Variants in GALNTL6 observed in about 807,000 individuals in gnomAD.
The protein encoded by GALNTL6 is polypeptide N-acetylgalactosaminyltransferase like 6.
GALNTL6 carries 46 observed loss-of-function variants against 73.7 expected under a neutral mutation model. That is an observed-to-expected ratio of 0.62 (90% CI 0.49 to 0.80). GALNTL6 has a LOEUF of 0.80. Among genes scored for constraint, GALNTL6 ranks in the 30% least tolerant of loss-of-function variants. GALNTL6 has a pLI of 0.00. For synonymous variants in GALNTL6, 259 were observed against 263.7 expected, an observed-to-expected ratio of 0.98 and a Z score of 0.17; for missense variants, 604 against 755.0, an observed-to-expected ratio of 0.80 and a Z score of 2.34.
At chr4:172,606,584 A>G (rs1418796994) in intron 5 of GALNTL6, among the ~76,000 whole-genome samples, 2 of 135,538 alleles carry the variant, frequency 1.5e-5, no homozygotes, top group African/African-American at 2.7e-5. Context: ...TAGTATATGT[A>G]TATATATACA....
chr4:172,684,765 T>C (rs1231466941), intron 5 of GALNTL6, among the ~76,000 whole-genome samples: 1 of 152,190 alleles, frequency 6.6e-6, no homozygotes, highest in Admixed American at 6.5e-5. Flanking sequence ...CATTCTGAAG[T>C]ACTTTTCATT....
chr4:172,463,706 G>A (rs1164129645), intron 5 of GALNTL6, among the ~76,000 whole-genome samples: 2 of 152,134 alleles, frequency 1.3e-5, no homozygotes, highest in South Asian at 4.1e-4. Flanking sequence ...AATTCCAGGG[G>A]ACTAAGGGAA....
At chr4:171,947,813 G>A (rs534221611) in intron 2 of GALNTL6, among the ~76,000 whole-genome samples, 15 of 152,206 alleles carry the variant, frequency 9.9e-5, no homozygotes, top group East Asian at 7.7e-4. Context: ...TTTGAGTGAC[G>A]CACCAGAGCC....
chr4:172,122,353 G>A (rs1733175015), intron 2 of GALNTL6, among the ~76,000 whole-genome samples: 1 of 151,850 alleles, frequency 6.6e-6, no homozygotes, highest in Non-Finnish European at 1.5e-5. Flanking sequence ...CCAATGTCTT[G>A]GAAAAAAGCT....
chr4:172,841,956 G>A (rs942751699), intron 7 of GALNTL6, among the ~76,000 whole-genome samples: 3 of 152,126 alleles, frequency 2.0e-5, no homozygotes, highest in Admixed American at 6.5e-5. Flanking sequence ...CACTGAGCCC[G>A]TATCACATGC....
chr4:171,886,001 A>C (rs1348952137), intron 2 of GALNTL6, among the ~76,000 whole-genome samples: 1 of 152,120 alleles, frequency 6.6e-6, no homozygotes, highest in Non-Finnish European at 1.5e-5. Flanking sequence ...AGACAAGTAG[A>C]ATAAGGCTGT....
At chr4:171,894,701 G>T (rs1736859197) in intron 2 of GALNTL6, among the ~76,000 whole-genome samples, 1 of 152,116 alleles carries the variant, frequency 6.6e-6, no homozygotes, top group Non-Finnish European at 1.5e-5. Flanking sequence ...AAAGTTAAAT[G>T]ATTCAAGTGA....
intron 5 of GALNTL6, among the ~76,000 whole-genome samples, chr4:172,684,068 T>C (rs1732782820): frequency 6.6e-6 from 1 of 152,230 alleles, no homozygotes; most frequent in African/African-American, 2.4e-5. Context: ...CCATTCCTTA[T>C]TAAATTTACT....
At chr4:172,439,001 C>G (rs1731735302) in intron 5 of GALNTL6, among the ~76,000 whole-genome samples, 1 of 151,998 alleles carries the variant, frequency 6.6e-6, no homozygotes, top group Admixed American at 6.6e-5. Flanking sequence ...TTCCTCTTTA[C>G]CTCTCGAGGA....
chr4:172,441,858 G>T (rs568838490), intron 5 of GALNTL6, among the ~76,000 whole-genome samples: 1 of 151,720 alleles, frequency 6.6e-6, no homozygotes, highest in Non-Finnish European at 1.5e-5. Context: ...TAGGGAAGAC[G>T]TGGAAATGTG....
chr4:172,307,135 A>G (rs1740167275), intron 3 of GALNTL6, among the ~76,000 whole-genome samples: 1 of 152,020 alleles, frequency 6.6e-6, no homozygotes, highest in African/African-American at 2.4e-5. Flanking sequence ...CTATTTTTTG[A>G]TTTTTAAATT....
At chr4:171,992,302 T>C (rs1740362653) in intron 2 of GALNTL6, among the ~76,000 whole-genome samples, 1 of 152,008 alleles carries the variant, frequency 6.6e-6, no homozygotes, top group Non-Finnish European at 1.5e-5. Context: ...CCTGAGTATA[T>C]TTTTTACTAG....
In GALNTL6 at chr4:172,353,073, C is replaced by A. The variant is rs1741995290; in HGVS notation, c.553+4384C>A. On this transcript the variant is annotated intron_variant, in intron 5 of 12. Coordinates refer to ENST00000506823, the MANE Select transcript of GALNTL6 (RefSeq NM_001034845.3). The stretch of plus-strand genomic sequence containing the variant: ...CAGTCCTCACCAGATGAATCAGAAT[C>A]TGCATTTCAACAGGATCTATGTGTA... 2.0e-5 allele frequency among the ~76,000 whole-genome samples: 3 copies of A among 152,080 alleles called. No homozygotes were observed. The South Asian group carries it at 6.2e-4, about 32-fold the overall frequency.
intron 2 of GALNTL6, among the ~76,000 whole-genome samples, chr4:172,143,742 C>T (rs867381723): frequency 3.9e-5 from 6 of 152,200 alleles, no homozygotes; most frequent in African/African-American, 1.2e-4. Context: ...TTCTGGTTAC[C>T]ATGAGTCATC....
chr4:172,169,532 A>G (rs979605400), intron 2 of GALNTL6, among the ~76,000 whole-genome samples: 1 of 152,146 alleles, frequency 6.6e-6, no homozygotes, highest in Non-Finnish European at 1.5e-5. Context: ...TTGATGTTGG[A>G]AGATAGAACA....
At chr4:172,043,168 G>A (rs536794264) in intron 2 of GALNTL6, among the ~76,000 whole-genome samples, 13 of 152,070 alleles carry the variant, frequency 8.5e-5, no homozygotes, top group African/African-American at 3.1e-4. Flanking sequence ...TTTGGCTTTT[G>A]TACAATCATT....
At chr4:172,351,177 A>ATCTGTCTGTCTG (rs71592071) in intron 5 of GALNTL6, among the ~76,000 whole-genome samples, 9,957 of 146,632 alleles carry the variant, frequency 0.068, 402 homozygotes, top group East Asian at 0.16. Context: ...ATCCACAATA[A>ATCTGTCTGTCTG]TCTGTCTATC....
chr4:172,411,941 A>G (rs1744454271), intron 5 of GALNTL6, among the ~76,000 whole-genome samples: 1 of 152,102 alleles, frequency 6.6e-6, no homozygotes, highest in Admixed American at 6.6e-5. Context: ...TAAGGGAAAT[A>G]TAGCACATTA....
chr4:172,871,506 A>G (rs148831173), intron 7 of GALNTL6, among the ~76,000 whole-genome samples: 4 of 151,524 alleles, frequency 2.6e-5, no homozygotes, highest in African/African-American at 9.7e-5. Flanking sequence ...AATGTCATAG[A>G]CTTATGCATG....
Sources: allele counts gnomAD v4.1 joint callset (sites outside exome capture counted in the v4.1 genomes callset), GRCh38; gene constraint gnomAD v4.1.1; transcripts MANE v1.5; gene names NCBI Gene and HGNC (gene_info 2026-07-23, HGNC 2026-07-21).